The following PHACTR1 variants were observed in gnomAD, a reference collection of about 807,000 sequenced individuals.
PHACTR1 encodes RPEL repeat containing 1.
Under a neutral mutation model 69.2 loss-of-function variants are expected in PHACTR1, and 16 were observed. The ratio of observed to expected loss-of-function variants is 0.23; its 90% confidence interval spans 0.16 to 0.35. The LOEUF (loss-of-function observed/expected upper bound fraction) is 0.35, where lower values mean the gene tolerates loss of function less well. PHACTR1 is among the 10% of genes least tolerant of loss of function. The probability of loss-of-function intolerance (pLI) is 1.00; values close to 1 mark genes in which losing one functional copy is unlikely to be tolerated. For missense variants in PHACTR1, 510 were observed against 734.7 expected (o/e 0.69, Z 3.54); for synonymous variants, 312 against 284.5 (o/e 1.10, Z -0.97).
intron 5 of PHACTR1, among the ~76,000 whole-genome samples, chr6:13,110,984 A>G (rs781090237): frequency 6.6e-6 from 1 of 151,940 alleles, no homozygotes; most frequent in Non-Finnish European, 1.5e-5. Flanking sequence ...TATAATATTC[A>G]GGAATTCTCA....
intron 5 of PHACTR1, among the ~76,000 whole-genome samples, chr6:13,075,303 C>A (rs898500927): frequency 1.3e-5 from 2 of 152,124 alleles, no homozygotes; most frequent in Non-Finnish European, 2.9e-5. Context: ...CAACTTGCCC[C>A]AAGGTCGCGT....
intron 4 of PHACTR1, among the ~76,000 whole-genome samples, chr6:12,753,010 G>T (rs1485706030): frequency 6.6e-6 from 1 of 152,180 alleles, no homozygotes; most frequent in Non-Finnish European, 1.5e-5. Context: ...TGTTATCAGT[G>T]CAAAAGAAAA....
chr6:12,967,978 T>C (rs1793700236), intron 4 of PHACTR1, among the ~76,000 whole-genome samples: 2 of 152,198 alleles, frequency 1.3e-5, no homozygotes, highest in South Asian at 4.1e-4. Context: ...CTGGATTTGG[T>C]TGTCGGGGCA....
chr6:12,871,926 T>C (rs1364443692), intron 4 of PHACTR1, among the ~76,000 whole-genome samples: 1 of 151,002 alleles, frequency 6.6e-6, no homozygotes, highest in Admixed American at 6.7e-5. Context: ...AAATAGTTTG[T>C]ATGTGAAAGA....
chr6:13,191,143 A>G (rs1023460305), intron 7 of PHACTR1, among the ~76,000 whole-genome samples: 1 of 152,128 alleles, frequency 6.6e-6, no homozygotes, highest in Non-Finnish European at 1.5e-5. Context: ...CCACCTGGCT[A>G]CTTCTGCCTC....
chr6:12,949,269 C>CAAAAAAAAAAAAAAAAAAAAAAA (rs201027793), intron 4 of PHACTR1, among the ~76,000 whole-genome samples: 1 of 57,030 alleles, frequency 1.8e-5, no homozygotes. Context: ...AACGTCATCT[C>CAAAAAAAAAAAAAAAAAAAAAAA]AAAAAAAAAA....
chr6:12,779,407 C>T (rs13215290), intron 4 of PHACTR1, among the ~76,000 whole-genome samples: 9,981 of 152,148 alleles, frequency 0.066, 368 homozygotes, highest in Middle Eastern at 0.11. Flanking sequence ...GAAATCCAGA[C>T]TCTCAAATTG....
chr6:12,792,145 C>A (rs1772361688), intron 4 of PHACTR1, among the ~76,000 whole-genome samples: 1 of 151,998 alleles, frequency 6.6e-6, no homozygotes, highest in Non-Finnish European at 1.5e-5. Context: ...TATATCAATG[C>A]AATTGCACCA....
At chr6:13,063,901 G>A (rs886225790) in intron 5 of PHACTR1, among the ~76,000 whole-genome samples, 3 of 152,302 alleles carry the variant, frequency 2.0e-5, no homozygotes, top group Middle Eastern at 6.8e-3. Context: ...GGTATGTTAA[G>A]GAGTCTGGGT....
intron 3 of PHACTR1, among the ~76,000 whole-genome samples, chr6:12,724,584 C>T (rs1174671894): frequency 6.6e-6 from 1 of 152,156 alleles, no homozygotes; most frequent in African/African-American, 2.4e-5. Flanking sequence ...TTTAAGCTGT[C>T]TCATGCTGCT....
chr6:13,141,621 C>T (rs1822462002), intron 5 of PHACTR1, among the ~76,000 whole-genome samples: 1 of 151,812 alleles, frequency 6.6e-6, no homozygotes, highest in South Asian at 2.1e-4. Context: ...TGATGGCGTT[C>T]TGTAAGATCA....
In PHACTR1 at chr6:13,082,924, G is replaced by C. The variant is rs553940637; in HGVS notation, c.415+29395G>C. On this transcript the variant is annotated intron_variant, in intron 5 of 14. Transcript: ENST00000332995. ...GTTCACTCTGATGGTGGTTTCTTTT[G>C]CTGTGCAGAAGCTCTTTAGTTTAAT... Among the ~76,000 whole-genome samples the C allele has an allele frequency of 6.4e-4, 97 of 152,218 alleles. 3 individuals carry two copies. In the East Asian group the frequency reaches 0.017, roughly 26 times the overall value.
intron 5 of PHACTR1, among the ~76,000 whole-genome samples, chr6:13,083,202 A>G (rs1413631667): frequency 6.6e-6 from 1 of 152,164 alleles, no homozygotes; most frequent in Non-Finnish European, 1.5e-5. Flanking sequence ...TAAATAGGGA[A>G]TCCTTTCCCC....
chr6:12,803,884 C>T lies in PHACTR1; in HGVS notation c.250+54094C>T, dbSNP rs1047289879. Among the ~76,000 whole-genome samples the T allele has an allele frequency of 2.6e-5, 4 of 152,160 alleles. No individual in the cohort carries two copies. In the East Asian group the frequency reaches 7.7e-4, roughly 29 times the overall value. On this transcript the variant is annotated intron_variant, in intron 4 of 14. Coordinates refer to ENST00000332995, the MANE Select transcript of PHACTR1 (RefSeq NM_030948.6). The stretch of plus-strand genomic sequence containing the variant: ...CCTGGGAGACAAAGTTGCCCCTCAA[C>T]CCCACCCCATTTGAGAACCTGTGCT...
chr6:13,138,442 T>C (rs1821891662), intron 5 of PHACTR1, among the ~76,000 whole-genome samples: 1 of 152,206 alleles, frequency 6.6e-6, no homozygotes, highest in Non-Finnish European at 1.5e-5. Flanking sequence ...CAAATATTTT[T>C]GGTGGTGTTG....
At chr6:12,984,118 C>A (rs1459491699) in intron 4 of PHACTR1, among the ~76,000 whole-genome samples, 1 of 152,186 alleles carries the variant, frequency 6.6e-6, no homozygotes, top group Admixed American at 6.5e-5. Flanking sequence ...TGAGGAATCA[C>A]CACACTGTCT....
chr6:13,094,945 C>G (rs1813926906), intron 5 of PHACTR1, among the ~76,000 whole-genome samples: 1 of 152,010 alleles, frequency 6.6e-6, no homozygotes, highest in Admixed American at 6.6e-5. Flanking sequence ...GTTATTAAAG[C>G]TAAATGAGGT....
At chr6:13,115,300 A>G (rs1342743635) in intron 5 of PHACTR1, among the ~76,000 whole-genome samples, 1 of 152,152 alleles carries the variant, frequency 6.6e-6, no homozygotes, top group Non-Finnish European at 1.5e-5. Flanking sequence ...CTCAACATAA[A>G]ATGACCAACC....
At chr6:13,049,620 G>A (rs1487095384) in intron 4 of PHACTR1, among the ~76,000 whole-genome samples, 1 of 152,164 alleles carries the variant, frequency 6.6e-6, no homozygotes, top group African/African-American at 2.4e-5. Flanking sequence ...CAGAGATCCC[G>A]GGATGAGTGC....
Sources: allele counts gnomAD v4.1 joint callset (sites outside exome capture counted in the v4.1 genomes callset), GRCh38; gene constraint gnomAD v4.1.1; transcripts MANE v1.5; gene names NCBI Gene and HGNC (gene_info 2026-07-23, HGNC 2026-07-21).